Variants in REPS2 observed in about 807,000 individuals in gnomAD.
REPS2 encodes RALBP1 associated Eps domain containing 2, also known as ralBP1-associated Eps domain-containing protein 2.
Under a neutral mutation model 53.6 loss-of-function variants are expected in REPS2, and 23 were observed. The ratio of observed to expected loss-of-function variants is 0.43; its 90% CI spans 0.31 to 0.61. The LOEUF is 0.61. REPS2 is among the 20% of genes least tolerant of loss of function. REPS2 has a pLI of 0.11. For synonymous variants in REPS2, 238 were observed against 218.6 expected (o/e 1.09, Z -0.78); for missense variants, 446 against 534.9 (o/e 0.83, Z 1.64).
intron 13 of REPS2, among the ~76,000 whole-genome samples, chrX:17,093,381 G>C (rs2062651879): frequency 9.5e-6 from 1 of 105,277 alleles, no homozygotes; most frequent in Admixed American, 1.0e-4. Flanking sequence ...CCTTTTTCTT[G>C]ACTAAGTGGA....
chrX:17,117,016 T>C (rs1364187972), intron 14 of REPS2, among the ~76,000 whole-genome samples: 1 of 112,072 alleles, frequency 8.9e-6, no homozygotes, highest in Non-Finnish European at 1.9e-5. Context: ...CTGATTCTTA[T>C]ACTTGAAATA....
At chrX:17,099,109 C>T (rs1334298135) in intron 13 of REPS2, among the ~76,000 whole-genome samples, 2 of 111,603 alleles carry the variant, frequency 1.8e-5, no homozygotes, top group Admixed American at 1.9e-4. Flanking sequence ...TAAGTTTAGG[C>T]AGGGAACACC....
the REPS2 span, among the ~76,000 whole-genome samples, chrX:17,164,385 A>G: frequency 8.9e-6 from 1 of 112,310 alleles, no homozygotes; most frequent in Non-Finnish European, 1.9e-5. Context: ...AGTTGAAAGC[A>G]AAAGGACAGA....
At chrX:17,174,761 G>A in the REPS2 span, among the ~76,000 whole-genome samples, 1 of 112,739 alleles carries the variant, frequency 8.9e-6, no homozygotes, top group African/African-American at 3.2e-5. Context: ...TGCTGGCAGG[G>A]CTGCTTTTCA....
At chrX:16,989,512 G>A (rs1393337633) in intron 1 of REPS2, among the ~76,000 whole-genome samples, 2 of 111,673 alleles carry the variant, frequency 1.8e-5, no homozygotes, top group Non-Finnish European at 3.8e-5. Context: ...ACTACAGAGT[G>A]GGGGGAAATA....
downstream of REPS2, among the ~76,000 whole-genome samples, chrX:17,157,504 C>A (rs773190042): frequency 5.4e-5 from 6 of 112,114 alleles, no homozygotes; most frequent in Non-Finnish European, 9.4e-5. Flanking sequence ...TCTGCCTCTG[C>A]AGTGTCTGGC....
intron 5 of REPS2, among the ~76,000 whole-genome samples, chrX:17,039,978 T>C (rs765093232): frequency 8.9e-6 from 1 of 112,811 alleles, no homozygotes; most frequent in African/African-American, 3.2e-5. Context: ...CAACTGTGTG[T>C]TGCACATTAG....
At chrX:16,976,304 G>C (rs780480834) in intron 1 of REPS2, among the ~76,000 whole-genome samples, 9 of 111,321 alleles carry the variant, frequency 8.1e-5, no homozygotes, top group South Asian at 7.6e-4. Flanking sequence ...TATTCTGAAA[G>C]TAAACAAAAA....
At chrX:17,065,667 A>G (rs2062215575) in intron 9 of REPS2, among the ~76,000 whole-genome samples, 1 of 110,272 alleles carries the variant, frequency 9.1e-6, no homozygotes, top group Non-Finnish European at 1.9e-5. Context: ...GCTCATTGCA[A>G]CCTCTGCCTC....
intron 1 of REPS2, among the ~76,000 whole-genome samples, chrX:16,986,838 G>A (rs953600669): frequency 4.5e-5 from 5 of 110,391 alleles, no homozygotes; most frequent in African/African-American, 1.6e-4. Flanking sequence ...AGGGGGAGCG[G>A]GGGATGGTTG....
At chrX:16,999,972 G>A (rs2061284087) in intron 1 of REPS2, among the ~76,000 whole-genome samples, 1 of 100,198 alleles carries the variant, frequency 1.0e-5, no homozygotes, top group South Asian at 5.1e-4. Context: ...GCGTGAACCC[G>A]GGAGGCGGAG....
Position 17,020,930 on chromosome X carries a change from C to T in REPS2, c.398-1193C>T, listed in dbSNP as rs189899502. 4.3e-4 allele frequency among the ~76,000 whole-genome samples: 48 copies of T among 112,077 alleles called. 1 individual carries two copies. In the South Asian group the frequency reaches 9.9e-3, roughly 23 times the overall value. On this transcript the variant is annotated intron_variant, in intron 2 of 17. Coordinates refer to ENST00000357277, the MANE Select transcript of REPS2 (RefSeq NM_004726.3). Reference sequence around the variant, plus strand: ...ATAGGCGTAAGTGAGCCACTGCGCCCGGCCGCCTGCTGCTTTGAATCAAAT... The same window carrying T: ...ATAGGCGTAAGTGAGCCACTGCGCCTGGCCGCCTGCTGCTTTGAATCAAAT...
intron 1 of REPS2, among the ~76,000 whole-genome samples, chrX:16,966,775 A>G (rs2060775300): frequency 8.9e-6 from 1 of 112,670 alleles, no homozygotes; most frequent in Non-Finnish European, 1.9e-5. Context: ...TGGAGTCAGT[A>G]TAGATATCTT....
In REPS2 at chrX:17,151,052, G is replaced by GT. The variant is rs1432746450; in HGVS notation, c.*3573dup. ...CACCTCACCTTTTATGATGCAATAAGTTACTCTGAGTTTCTTGGCAGAGTT... is the reference window on the plus strand; with the variant it reads ...CACCTCACCTTTTATGATGCAATAAGTTTACTCTGAGTTTCTTGGCAGAGTT... On this transcript the variant is annotated 3_prime_UTR_variant, in exon 18 of 18. Transcript: ENST00000357277. 1 of 112,416 alleles carries GT rather than the reference G, an allele frequency of 8.9e-6. No individual in the cohort carries two copies. The highest frequency in any genetic ancestry group is 1.9e-5 in the Non-Finnish European group (1 of 53,253). The allele number at this position is 112,416 out of a possible 1,213,427, so 9.3% of individuals were successfully genotyped here.
chrX:17,089,376 A>G (rs2062585525), intron 13 of REPS2, among the ~76,000 whole-genome samples: 1 of 111,171 alleles, frequency 9.0e-6, no homozygotes. Context: ...CCCTTAGCTT[A>G]AAAAAAACTT....
chrX:17,178,888 C>CA, the REPS2 span, among the ~76,000 whole-genome samples: 1,649 of 65,238 alleles, frequency 0.025, 11 homozygotes, highest in Non-Finnish European at 0.035. Flanking sequence ...GACTCGGTCT[C>CA]AAAAAAAAAA....
In REPS2 at chrX:17,041,572, G is replaced by T. The variant is rs191717236; in HGVS notation, c.772-5775G>T. ...GATCGTTTTGATCAGCAATTGCCTT[G>T]TGGTAGTCTTATTTCCAAAATATTT... On this transcript the variant is annotated intron_variant, in intron 5 of 17. Transcript: ENST00000357277. Among the ~76,000 whole-genome samples the T allele has an allele frequency of 8.8e-3, 986 of 112,158 alleles. 4 individuals are homozygous for T. Among genetic ancestry groups the T allele is most frequent in the Non-Finnish European group, 0.015 (807 of 53,180 alleles).
At chrX:17,072,275 T>C (rs1032332168) in intron 11 of REPS2, among the ~76,000 whole-genome samples, 3 of 112,638 alleles carry the variant, frequency 2.7e-5, no homozygotes, top group African/African-American at 9.7e-5. Flanking sequence ...GTACGTTCAG[T>C]TTTTAAATTA....
chrX:17,032,761 A>C (rs986008238), intron 5 of REPS2, among the ~76,000 whole-genome samples: 1 of 112,354 alleles, frequency 8.9e-6, no homozygotes, highest in Admixed American at 9.4e-5. Context: ...AGGGACTCCC[A>C]GCCAGTGCTG....
Sources: allele counts gnomAD v4.1 joint callset (sites outside exome capture counted in the v4.1 genomes callset), GRCh38; gene constraint gnomAD v4.1.1; transcripts MANE v1.5; gene names NCBI Gene and HGNC (gene_info 2026-07-23, HGNC 2026-07-21).